GIGYF2: variants seen among roughly 807,000 people sequenced by gnomAD.
GIGYF2 encodes the protein GRB10-interacting GYF protein 2.
GIGYF2 carries 25 observed loss-of-function variants against 208.1 expected under a neutral mutation model. The ratio of observed to expected loss-of-function variants is 0.12; its 90% CI spans 0.09 to 0.17. The LOEUF is 0.17. GIGYF2 is among the 10% of genes least tolerant of loss of function. The probability of loss-of-function intolerance (pLI) is 1.00; values close to 1 mark genes in which losing one functional copy is unlikely to be tolerated. For missense variants in GIGYF2, 1,302 were observed against 1,579.4 expected, an observed-to-expected ratio of 0.82 and a Z score of 2.98; for synonymous variants, 534 against 543.8, an observed-to-expected ratio of 0.98 and a Z score of 0.25.
rs548090372 is a variant in GIGYF2 at position 232,801,863 on chromosome 2, C to T, written c.1640-4628C>T. Among the ~76,000 whole-genome samples, 6 of 152,266 alleles carry T rather than the reference C, an allele frequency of 3.9e-5. No homozygotes were observed. The East Asian group carries it at 5.8e-4, about 15-fold the overall frequency. On this transcript the variant is annotated intron_variant, in intron 14 of 28. Coordinates refer to ENST00000373563, the MANE Select transcript of GIGYF2 (RefSeq NM_001103146.3). ...TTATCTTTAATCTGTAGGTTGCTTT[C>T]GGTAGTACTGACATTGTAACAATGT... is the stretch of plus-strand genomic sequence containing the variant.
In GIGYF2 at chr2:232,812,423, C is replaced by G; in HGVS notation, c.2039C>G (p.Thr680Ser). Residue 680 changes from threonine (T) to serine (S), a missense_variant, in exon 18 of 29, where the codon ACT becomes AGT. Thr to Ser is a moderately conservative substitution (Grantham distance 58). Around this residue, in one of 8 missense-constraint regions of GIGYF2, gnomAD observed 701 missense variants for 793.0 expected, o/e 0.88. Transcript: ENST00000373563. ...ISDQNIIPSV[T>S]RSVSVPDTGS... Reference sequence around the variant, plus strand: ...GATCAGAACATCATTCCCTCAGTAACTAGGTCTGTGTCCGTGCCAGATACT... The same window carrying G: ...GATCAGAACATCATTCCCTCAGTAAGTAGGTCTGTGTCCGTGCCAGATACT... 1 of 1,516,592 alleles carries G rather than the reference C, an allele frequency of 6.6e-7. No individual in the cohort carries two copies. Among genetic ancestry groups the G allele is most frequent in the South Asian group, 1.1e-5 (1 of 89,008 alleles). The allele number at this position is 1,516,592 out of a possible 1,614,324, so 93.9% of individuals were successfully genotyped here. A position where few individuals can be genotyped will look rare whatever the true frequency, so the allele number is the denominator to read the frequency against.
intron 12 of GIGYF2, among the ~76,000 whole-genome samples, chr2:232,793,486 G>T (rs1700131973): frequency 6.6e-6 from 1 of 152,136 alleles, no homozygotes; most frequent in South Asian, 2.1e-4. Context: ...CAAAGAGCCT[G>T]AGAGGATTAT....
At chr2:232,752,272 CCTAGA>C (rs1402886355) in intron 5 of GIGYF2, among the ~76,000 whole-genome samples, 2 of 152,148 alleles carry the variant, frequency 1.3e-5, no homozygotes, top group Non-Finnish European at 2.9e-5. Context: ...ACTAGATCTT[CCTAGA>C]CTAGAGTTTT....
rs1701764932 is a variant in GIGYF2, at chr2:232,839,888, A to G, written c.2806A>G (p.Thr936Ala). The change falls in exon 23 of 29, where the codon ACA becomes GCA. Residue 936 changes from threonine to alanine, a missense_variant. This residue lies in a region of GIGYF2 where 701 missense variants were observed against 793.0 expected (regional missense o/e 0.88). Transcript: ENST00000373563. Reference sequence around the variant, plus strand: ...AACGTGGGGCCAGCAGTCCAATACAACAGCATGTCAGTCCCAGGCCACGCT... The same window carrying G: ...AACGTGGGGCCAGCAGTCCAATACAGCAGCATGTCAGTCCCAGGCCACGCT... ...SSTWGQQSNT[T>A]ACQSQATLSL... 2 of 1,613,986 alleles carry G rather than the reference A, an allele frequency of 1.2e-6. No homozygotes were observed. The highest frequency in any genetic ancestry group is 1.7e-6 in the Non-Finnish European group (2 of 1,179,856).
intron 22 of GIGYF2, among the ~76,000 whole-genome samples, chr2:232,833,422 A>C (rs972029470): frequency 1.3e-5 from 2 of 152,154 alleles, no homozygotes; most frequent in East Asian, 3.9e-4. Context: ...GTGTTTCACC[A>C]TGTTGCCCAG....
chr2:232,761,335 C>A, intron 7 of GIGYF2, 61 bp from the exon 8 acceptor site: 1 of 1,045,390 alleles, frequency 9.6e-7, no homozygotes, highest in Non-Finnish European at 1.5e-6. Context: ...AAGTGAGTGT[C>A]ACAGATAGGA....
At chr2:232,754,559 A>T (rs570431342) in intron 5 of GIGYF2, among the ~76,000 whole-genome samples, 29 of 152,338 alleles carry the variant, frequency 1.9e-4, no homozygotes, top group African/African-American at 7.0e-4. Context: ...GTTCAACTGC[A>T]TGGGATCCTA....
At chr2:232,853,999 A>G (rs184052829) in intron 28 of GIGYF2, among the ~76,000 whole-genome samples, 4 of 152,202 alleles carry the variant, frequency 2.6e-5, no homozygotes, top group Admixed American at 6.5e-5. Flanking sequence ...CTGTCTTTGC[A>G]TGAGTAAAAT....
intron 21 of GIGYF2, among the ~76,000 whole-genome samples, chr2:232,822,782 C>T (rs1239992068): frequency 6.6e-6 from 1 of 152,136 alleles, no homozygotes; most frequent in Non-Finnish European, 1.5e-5. Flanking sequence ...TATTCTGACA[C>T]CTTGTGAAAC....
rs749146143 is a variant in GIGYF2 at position 232,756,295 on chromosome 2, G to A, written c.340G>A (p.Val114Met). ...AGGACGAGGAGGAGGAGGAACAGTG[G>A]TGGGGGCTCCTAGAGGTCGAAGTTC... ...LTGRGGGGTVVGAPRGRSSSR... is the reference protein window; with the variant it reads ...LTGRGGGGTVMGAPRGRSSSR... The change falls in exon 6 of 29, where the codon GTG becomes ATG. Residue 114 changes from valine to methionine, a missense_variant. Physicochemically the swap from Val to Met is conservative, Grantham distance 21. Around this residue, in one of 8 missense-constraint regions of GIGYF2, gnomAD observed 189 missense variants for 257.7 expected, o/e 0.73. Coordinates refer to ENST00000373563, the MANE Select transcript of GIGYF2 (RefSeq NM_001103146.3). The A allele has an allele frequency of 6.3e-7, 1 of 1,592,018 alleles. No individual in the cohort carries two copies. Among genetic ancestry groups the A allele is most frequent in the Non-Finnish European group, 8.5e-7 (1 of 1,171,738 alleles).
intron 8 of GIGYF2, among the ~76,000 whole-genome samples, chr2:232,781,115 G>A (rs1699702183): frequency 6.6e-6 from 1 of 151,866 alleles, no homozygotes; most frequent in South Asian, 2.1e-4. Context: ...ACACTACCAG[G>A]CCAGGCTAAT....
chr2:232,842,665 T>C (rs1701854812), intron 23 of GIGYF2, among the ~76,000 whole-genome samples: 1 of 152,248 alleles, frequency 6.6e-6, no homozygotes, highest in African/African-American at 2.4e-5. Flanking sequence ...GGTTCTGGTA[T>C]GTACAGCACC....
chr2:232,755,297 A>G (rs1178038283), intron 5 of GIGYF2, among the ~76,000 whole-genome samples: 3 of 152,082 alleles, frequency 2.0e-5, no homozygotes, highest in Non-Finnish European at 4.4e-5. Context: ...CAGCCTCCCA[A>G]GTAGCTGGGA....
chr2:232,750,972 G>C (rs1698317131), intron 5 of GIGYF2, among the ~76,000 whole-genome samples: 1 of 152,052 alleles, frequency 6.6e-6, no homozygotes, highest in Non-Finnish European at 1.5e-5. Flanking sequence ...TGGGAGTACA[G>C]GTGCATGCCA....
chr2:232,832,753 C>G, intron 21 of GIGYF2, 104 bp from the exon 22 acceptor site: 1 of 799,750 alleles, frequency 1.3e-6, no homozygotes, highest in South Asian at 1.6e-5. Flanking sequence ...TCTGCTTTCT[C>G]TGTCATCTCT....
chr2:232,769,245 T>C (rs1574857884), intron 8 of GIGYF2, among the ~76,000 whole-genome samples: 1 of 152,058 alleles, frequency 6.6e-6, no homozygotes, highest in Non-Finnish European at 1.5e-5. Flanking sequence ...ATGAGTGATA[T>C]TTTGGCCAGG....
intron 22 of GIGYF2, 63 bp from the exon 23 acceptor site, chr2:232,839,786 A>G (rs1167907280): frequency 3.2e-6 from 5 of 1,557,112 alleles, no homozygotes; most frequent in Non-Finnish European, 4.4e-6. Flanking sequence ...ATAATGCATT[A>G]TTGCTTCTTT....
At chr2:232,816,846 TA>T in intron 19 of GIGYF2, 24 bp from the exon 20 acceptor site, 1 of 1,593,340 alleles carries the variant, frequency 6.3e-7, no homozygotes, top group Non-Finnish European at 8.6e-7. Flanking sequence ...TTCAAGTTTC[TA>T]AGAGTACTCT....
chr2:232,762,574 A>T (rs78122771), intron 8 of GIGYF2, among the ~76,000 whole-genome samples: 3,534 of 152,208 alleles, frequency 0.023, 153 homozygotes, highest in African/African-American at 0.081. Context: ...CTTATAAACA[A>T]ATGTTAAATA....
Sources: allele counts gnomAD v4.1 joint callset (sites outside exome capture counted in the v4.1 genomes callset), GRCh38; gene constraint gnomAD v4.1.1; regional missense constraint gnomAD v4.1.1; transcripts MANE v1.5; gene names NCBI Gene and HGNC (gene_info 2026-07-23, HGNC 2026-07-21).